The following ZNF292 variants were observed in gnomAD, a reference collection of about 807,000 sequenced individuals.
ZNF292 encodes the protein zinc finger protein 292.
In ZNF292, 26 loss-of-function variants were observed where a neutral mutation model predicts 217.9. That is an observed-to-expected ratio of 0.12 (90% CI 0.09 to 0.17). The LOEUF (loss-of-function observed/expected upper bound fraction) is 0.17. Ranked by LOEUF, ZNF292 falls within the 10% of genes least tolerant of loss-of-function variation. The pLI is 1.00. For synonymous variants in ZNF292, 1,257 were observed against 1,124.1 expected (o/e 1.12, Z -2.37); for missense variants, 2,904 against 3,175.2 (o/e 0.91, Z 2.05).
chr6:87,255,604 G>C lies in ZNF292; in HGVS notation c.1975G>C (p.Asp659His), dbSNP rs1456670026. The change falls in exon 8 of 8, where the codon GAT (aspartate) becomes CAT (histidine). Residue 659 changes from aspartate (D) to histidine (H), a missense_variant. Coordinates refer to ENST00000369577, the MANE Select transcript of ZNF292 (RefSeq NM_015021.3). Reference sequence around the variant, plus strand: ...CAATGATGGTTCAGATGATGAGAATGATGACAAAGATAAATCCTATGAGCC... The same window carrying C: ...CAATGATGGTTCAGATGATGAGAATCATGACAAAGATAAATCCTATGAGCC... ...NDNDGSDDEN[D>H]DKDKSYEPEV... The C allele has an allele frequency of 6.2e-7, 1 of 1,611,504 alleles. No individual in the cohort carries two copies. Among genetic ancestry groups the C allele is most frequent in the East Asian group, 2.2e-5 (1 of 44,850 alleles).
intron 5 of ZNF292, among the ~76,000 whole-genome samples, chr6:87,240,352 G>A (rs955041518): frequency 4.1e-5 from 6 of 147,810 alleles, no homozygotes; most frequent in African/African-American, 1.5e-4. Flanking sequence ...GAAAGAGAGG[G>A]AGAGGGAGAC....
At chr6:87,214,028 A>G (rs770522798) in intron 1 of ZNF292, among the ~76,000 whole-genome samples, 3 of 152,218 alleles carry the variant, frequency 2.0e-5, no homozygotes, top group Non-Finnish European at 4.4e-5. Flanking sequence ...TCAAAGTGCC[A>G]CAGTTTGGGG....
At chr6:87,248,764 A>G (rs1774742284) in intron 7 of ZNF292, among the ~76,000 whole-genome samples, 1 of 152,234 alleles carries the variant, frequency 6.6e-6, no homozygotes, top group Non-Finnish European at 1.5e-5. Context: ...TAATCACCAT[A>G]GGTTTCATTA....
At chr6:87,168,814 T>C (rs370269558) in intron 1 of ZNF292, among the ~76,000 whole-genome samples, 1 of 152,020 alleles carries the variant, frequency 6.6e-6, no homozygotes, top group Non-Finnish European at 1.5e-5. Context: ...AATTTAAAAA[T>C]AGTATGATCA....
intron 5 of ZNF292, among the ~76,000 whole-genome samples, chr6:87,234,057 CTA>C (rs1446132079): frequency 1.3e-5 from 2 of 152,048 alleles, no homozygotes; most frequent in African/African-American, 2.4e-5. Flanking sequence ...CTTTTCACTT[CTA>C]GTTTGGTATA....
Position 87,257,037 on chromosome 6 carries a change from TAAA to T in ZNF292, c.3412_3414del (p.Lys1138del), listed in dbSNP as rs757866880. The T allele has an allele frequency of 1.1e-5, 18 of 1,613,516 alleles. No individual in the cohort carries two copies. The highest frequency in any genetic ancestry group is 8.5e-6 in the Non-Finnish European group (10 of 1,179,776). ...CTGCATTTAAAATGCAGCGCAAAAG[TAAA>T]AAAGGTCAGAAAGCTAACAACTTAA... On this transcript the variant is annotated inframe_deletion, in exon 8 of 8. Transcript: ENST00000369577.
intron 1 of ZNF292, among the ~76,000 whole-genome samples, chr6:87,211,210 C>T (rs1263090720): frequency 6.6e-6 from 1 of 152,090 alleles, no homozygotes; most frequent in Admixed American, 6.5e-5. Flanking sequence ...CCAACTTGTT[C>T]TGTTTTTGGT....
Position 87,258,900 on chromosome 6 carries a change from G to T in ZNF292, c.5271G>T (p.Lys1757Asn). 6.2e-7 allele frequency: 1 copy of T among 1,606,944 alleles called. No homozygotes were observed. Among genetic ancestry groups the T allele is most frequent in the Non-Finnish European group, 8.5e-7 (1 of 1,176,022 alleles). The change falls in exon 8 of 8, where the codon AAG becomes AAT. Residue 1757 changes from lysine to asparagine, a missense_variant. Around this residue, in one of 15 missense-constraint regions of ZNF292, gnomAD observed 622 missense variants for 573.1 expected, o/e 1.09. Coordinates refer to ENST00000369577, the MANE Select transcript of ZNF292 (RefSeq NM_015021.3). ...SEDNVIQNFE[K>N]TLEIIKTAMN... is the part of the protein sequence containing the mutation. ...ACAATGTTATACAAAACTTTGAAAA[G>T]ACTCTTGAAATTATTAAAACTGCTA... is the stretch of plus-strand genomic sequence containing the variant.
intron 4 of ZNF292, among the ~76,000 whole-genome samples, chr6:87,232,897 T>G (rs1197764901): frequency 6.6e-6 from 1 of 152,124 alleles, no homozygotes; most frequent in Non-Finnish European, 1.5e-5. Context: ...TCTCTTCTTC[T>G]GGAATGTCCC....
At chr6:87,212,765 C>T (rs1772558433) in intron 1 of ZNF292, among the ~76,000 whole-genome samples, 1 of 152,174 alleles carries the variant, frequency 6.6e-6, no homozygotes, top group African/African-American at 2.4e-5. Context: ...GTTTTAATTG[C>T]TCTAATCAAA....
intron 1 of ZNF292, among the ~76,000 whole-genome samples, chr6:87,169,470 T>C (rs1158510756): frequency 6.6e-6 from 1 of 152,180 alleles, no homozygotes; most frequent in East Asian, 1.9e-4. Flanking sequence ...GTTATACAGA[T>C]AATCAGAAAG....
chr6:87,178,765 A>T (rs1771379380), intron 1 of ZNF292, among the ~76,000 whole-genome samples: 1 of 152,220 alleles, frequency 6.6e-6, no homozygotes, highest in African/African-American at 2.4e-5. Flanking sequence ...CAAACTAAGT[A>T]AAACATTTTA....
chr6:87,164,622 T>A (rs1770853879), intron 1 of ZNF292, among the ~76,000 whole-genome samples: 2 of 152,148 alleles, frequency 1.3e-5, no homozygotes, highest in Admixed American at 1.3e-4. Flanking sequence ...TTTTTGTCAC[T>A]CATCTTCTCT....
intron 1 of ZNF292, among the ~76,000 whole-genome samples, chr6:87,179,099 TAA>T: frequency 6.6e-6 from 1 of 151,676 alleles, no homozygotes; most frequent in Non-Finnish European, 1.5e-5. Context: ...AATATTAATA[TAA>T]GATTATTTGT....
intron 7 of ZNF292, among the ~76,000 whole-genome samples, chr6:87,253,300 C>G (rs1359852225): frequency 6.8e-6 from 1 of 146,038 alleles, no homozygotes; most frequent in East Asian, 2.0e-4. Context: ...GCGATCTCTG[C>G]TCACTGCAGC....
chr6:87,205,180 C>T (rs1008919042), intron 1 of ZNF292, among the ~76,000 whole-genome samples: 2 of 152,112 alleles, frequency 1.3e-5, no homozygotes, highest in Non-Finnish European at 2.9e-5. Context: ...TCGAGCGATC[C>T]TCCAGCTTTA....
rs1489551946 is a variant in ZNF292 at position 87,258,586 on chromosome 6, A to G, written c.4957A>G (p.Thr1653Ala). 1 of 1,613,748 alleles carries G rather than the reference A, an allele frequency of 6.2e-7. No individual in the cohort carries two copies. The highest frequency in any genetic ancestry group is 8.5e-7 in the Non-Finnish European group (1 of 1,179,794). Residue 1653 changes from threonine (T) to alanine (A), a missense_variant, in exon 8 of 8, where the codon ACA becomes GCA. By Grantham distance (58) the Thr-to-Ala change is moderately conservative. This residue lies in a region of ZNF292 where 622 missense variants were observed against 573.1 expected (regional missense o/e 1.09). Coordinates refer to ENST00000369577, the MANE Select transcript of ZNF292 (RefSeq NM_015021.3). ...ASQNLVTSDLTTMGLIAKSVE... is the reference protein window; with the variant it reads ...ASQNLVTSDLATMGLIAKSVE... ...CCAAAACTTGGTAACAAGTGACTTA[A>G]CAACAATGGGACTCATAGCAAAGAG...
chr6:87,255,352 G>T lies in ZNF292; in HGVS notation c.1723G>T (p.Ala575Ser). 2 of 1,613,682 alleles carry T rather than the reference G, an allele frequency of 1.2e-6. No individual in the cohort carries two copies. The highest frequency in any genetic ancestry group is 1.7e-6 in the Non-Finnish European group (2 of 1,179,816). The change falls in exon 8 of 8, where the codon GCA (alanine) becomes TCA (serine). Residue 575 changes from alanine to serine, a missense_variant. Physicochemically the swap from Ala to Ser is moderately conservative, Grantham distance 99 (BLOSUM62 1). Coordinates refer to ENST00000369577, the MANE Select transcript of ZNF292 (RefSeq NM_015021.3). ...TGGAATTTATAGTTGCCCCATATGT[G>T]CAAAGAACTTTAATTCTAAAGAAAC... ...KDGIYSCPIC[A>S]KNFNSKETFV...
At chr6:87,197,722 CAA>C (rs11312557) in intron 1 of ZNF292, among the ~76,000 whole-genome samples, 2,146 of 77,364 alleles carry the variant, frequency 0.028, 24 homozygotes, top group African/African-American at 0.086. Flanking sequence ...CTCGCTGTTT[CAA>C]AAAAAAAAAA....
Sources: gnomAD v4.1 joint callset for allele counts (sites outside exome capture counted in the v4.1 genomes callset) on GRCh38, gnomAD v4.1.1 for gene constraint, gnomAD v4.1.1 regional missense constraint, MANE v1.5 for transcripts, NCBI Gene and HGNC (gene_info 2026-07-23, HGNC 2026-07-21) for gene names.